FOXO1: variants seen among roughly 807,000 people sequenced by gnomAD.
FOXO1 encodes forkhead box O1.
In FOXO1, 6 loss-of-function variants were observed where a neutral mutation model predicts 44.1. The observed-to-expected ratio is 0.14, with a 90% CI of 0.07 to 0.27. The LOEUF is 0.27. Ranked by LOEUF, FOXO1 falls within the 10% of genes least tolerant of loss-of-function variation. The pLI is 1.00. For missense variants in FOXO1, 737 were observed against 888.8 expected, an observed-to-expected ratio of 0.83 and a Z score of 2.17; for synonymous variants, 380 against 362.7, an observed-to-expected ratio of 1.05 and a Z score of -0.54.
At chr13:40,600,209 CCACT>C (rs1392662642) in intron 1 of FOXO1, among the ~76,000 whole-genome samples, 2 of 152,168 alleles carry the variant, frequency 1.3e-5, no homozygotes, top group African/African-American at 4.8e-5. Context: ...CAACTGGTCC[CCACT>C]GAGTTGACAA....
intron 1 of FOXO1, among the ~76,000 whole-genome samples, chr13:40,659,314 C>CAAAAAAAAAAAAA (rs1210028542): frequency 6.8e-5 from 6 of 87,610 alleles, no homozygotes; most frequent in East Asian, 5.7e-4. Context: ...GACTCCGTCT[C>CAAAAAAAAAAAAA]AAAAAAAAAA....
In FOXO1 at chr13:40,593,382, G is replaced by A. The variant is rs9566552; in HGVS notation, c.631-32522C>T. ...AAAATCTAAGACTCAAAGGGGAGAA[G>A]TATTGAACCTCACATCATCCTGCCA... On this transcript the variant is annotated intron_variant, in intron 1 of 2. Transcript: ENST00000379561. Among the ~76,000 whole-genome samples, 162 of 152,298 alleles carry A rather than the reference G, an allele frequency of 1.1e-3. 4 individuals carry two copies. The East Asian group carries it at 0.019, about 18-fold the overall frequency.
chr13:40,619,646 C>A, intron 1 of FOXO1: 5 of 1,548,230 alleles, frequency 3.2e-6, no homozygotes, highest in Non-Finnish European at 4.5e-6. Context: ...AGAAGCCAAA[C>A]CTCAGTGAAT....
At chr13:40,606,303 TTTTC>T (rs1197478960) in intron 1 of FOXO1, among the ~76,000 whole-genome samples, 4 of 152,030 alleles carry the variant, frequency 2.6e-5, no homozygotes, top group Non-Finnish European at 4.4e-5. Flanking sequence ...CTTTCTTTCT[TTTTC>T]TTTCTTTCTT....
intron 1 of FOXO1, among the ~76,000 whole-genome samples, chr13:40,625,918 T>C (rs1169108399): frequency 6.6e-6 from 1 of 152,198 alleles, no homozygotes; most frequent in Non-Finnish European, 1.5e-5. Context: ...TTTTAAATTA[T>C]GAACCAGGTC....
intron 1 of FOXO1, among the ~76,000 whole-genome samples, chr13:40,650,526 C>T (rs370400431): frequency 1.1e-4 from 17 of 152,162 alleles, no homozygotes; most frequent in East Asian, 9.7e-4. Flanking sequence ...ATGTTTATTT[C>T]TGAGTTAGGC....
At chr13:40,561,306 C>T (rs1387672384) in intron 1 of FOXO1, among the ~76,000 whole-genome samples, 1 of 140,704 alleles carries the variant, frequency 7.1e-6, no homozygotes, top group Non-Finnish European at 1.5e-5. Flanking sequence ...GAGGCGAGAT[C>T]GTGCCACTGC....
chr13:40,634,238 C>CA (rs1332566866), intron 1 of FOXO1, among the ~76,000 whole-genome samples: 1 of 152,078 alleles, frequency 6.6e-6, no homozygotes, highest in East Asian at 1.9e-4. Context: ...CCAATGATAC[C>CA]AAAAAGCCTT....
intron 1 of FOXO1, among the ~76,000 whole-genome samples, chr13:40,584,518 C>T (rs1290508063): frequency 7.2e-6 from 1 of 138,280 alleles, no homozygotes; most frequent in Non-Finnish European, 1.5e-5. Flanking sequence ...TGCAGTGGCA[C>T]GTGTCTATAG....
Position 40,651,034 on chromosome 13 carries a change from A to G in FOXO1, c.630+14549T>C, listed in dbSNP as rs141718730. On this transcript the variant is annotated intron_variant, in intron 1 of 2. Transcript: ENST00000379561. ...GTGATCCGCCAACCTCAGCCTCCCA[A>G]AGTGCTGGGGTTACAGGTGTGAGCC... Among the ~76,000 whole-genome samples the G allele has an allele frequency of 2.9e-3, 442 of 152,038 alleles. 5 individuals carry two copies. Among genetic ancestry groups the G allele is most frequent in the African/African-American group, 0.01 (429 of 41,448 alleles).
At chr13:40,592,846 C>T (rs60459186) in intron 1 of FOXO1, among the ~76,000 whole-genome samples, 2 of 152,142 alleles carry the variant, frequency 1.3e-5, no homozygotes, top group Non-Finnish European at 2.9e-5. Context: ...AAGGCGTGTA[C>T]AGGAGGCATT....
At chr13:40,637,314 C>T (rs1352858187) in intron 1 of FOXO1, among the ~76,000 whole-genome samples, 5 of 151,866 alleles carry the variant, frequency 3.3e-5, no homozygotes, top group African/African-American at 7.3e-5. Flanking sequence ...CATGGTGACA[C>T]GTGCCTGTAG....
intron 1 of FOXO1, among the ~76,000 whole-genome samples, chr13:40,596,576 G>A (rs1054507731): frequency 4.6e-5 from 7 of 152,208 alleles, no homozygotes; most frequent in African/African-American, 1.4e-4. Flanking sequence ...GAGGACAACA[G>A]ATACCTAGTG....
At chr13:40,578,732 C>A (rs866684731) in intron 1 of FOXO1, among the ~76,000 whole-genome samples, 1 of 152,214 alleles carries the variant, frequency 6.6e-6, no homozygotes, top group African/African-American at 2.4e-5. Flanking sequence ...TCTGGCCACA[C>A]AGAATTAAAC....
At position 40,665,633 on chromosome 13, in the gene FOXO1, C is replaced by A; in HGVS notation, c.580G>T (p.Val194Leu). ...TCACCCTTATCCTTGAAGTAGGGCACGCTCTTGACCATCCACTCGTAGATC... is the reference window on the plus strand; with the variant it reads ...TCACCCTTATCCTTGAAGTAGGGCAAGCTCTTGACCATCCACTCGTAGATC... ...SQIYEWMVKS[V>L]PYFKDKGDSN... The change falls in exon 1 of 3, where the codon GTG (valine) becomes TTG (leucine). Residue 194 changes from valine to leucine, a missense_variant. Val to Leu is a conservative substitution (Grantham distance 32, BLOSUM62 1). Transcript: ENST00000379561. 6.7e-7 allele frequency: 1 copy of A among 1,499,274 alleles called. No individual in the cohort carries two copies. 92.9% of individuals were successfully genotyped at this position (1,499,274 alleles called of 1,614,324 possible). A position where few individuals can be genotyped will look rare whatever the true frequency, so the allele number is the denominator to read the frequency against.
At chr13:40,563,266 C>T (rs1049620374) in intron 1 of FOXO1, among the ~76,000 whole-genome samples, 1 of 152,182 alleles carries the variant, frequency 6.6e-6, no homozygotes, top group Non-Finnish European at 1.5e-5. Context: ...TGAGGCCTGG[C>T]TCCAACACAA....
At chr13:40,644,921 C>T (rs1308201107) in intron 1 of FOXO1, among the ~76,000 whole-genome samples, 1 of 152,208 alleles carries the variant, frequency 6.6e-6, no homozygotes, top group Non-Finnish European at 1.5e-5. Flanking sequence ...CTAATCTTAG[C>T]ATTCAACACA....
At chr13:40,604,384 C>CTT (rs376293825) in intron 1 of FOXO1, among the ~76,000 whole-genome samples, 41,120 of 146,494 alleles carry the variant, frequency 0.28, 5,829 homozygotes, top group East Asian at 0.48. Context: ...GGTGTCAGAT[C>CTT]TTTTTTTTTT....
At chr13:40,637,735 A>G (rs1877209434) in intron 1 of FOXO1, among the ~76,000 whole-genome samples, 1 of 152,232 alleles carries the variant, frequency 6.6e-6, no homozygotes, top group African/African-American at 2.4e-5. Flanking sequence ...AGTAAAGAGC[A>G]GCACAGGAGG....
Sources: allele counts gnomAD v4.1 joint callset (sites outside exome capture counted in the v4.1 genomes callset), GRCh38; gene constraint gnomAD v4.1.1; transcripts MANE v1.5; gene names NCBI Gene and HGNC (gene_info 2026-07-23, HGNC 2026-07-21).